Variants in THRB observed in about 807,000 individuals in gnomAD.
The protein encoded by THRB is nuclear receptor subfamily 1 group A member 2.
In THRB, 12 loss-of-function variants were observed where a neutral mutation model predicts 47.8. The ratio of observed to expected loss-of-function variants is 0.25; its 90% CI spans 0.16 to 0.41. The LOEUF is 0.41. THRB is among the 10% of genes least tolerant of loss of function. The pLI is 1.00. For missense variants in THRB, 348 were observed against 589.2 expected (o/e 0.59, Z 4.24); for synonymous variants, 218 against 212.2 (o/e 1.03, Z -0.24).
chr3:24,238,301 G>A (rs983838647), intron 3 of THRB, among the ~76,000 whole-genome samples: 3 of 111,150 alleles, frequency 2.7e-5, no homozygotes, highest in Admixed American at 1.8e-4. Flanking sequence ...GGTGTGTGGG[G>A]TGTGTGTGTG....
intron 1 of THRB, among the ~76,000 whole-genome samples, chr3:24,488,162 A>G (rs6805614): frequency 0.13 from 19,149 of 152,230 alleles, 1,400 homozygotes; most frequent in Admixed American, 0.2. Flanking sequence ...CTTTCAGTCT[A>G]CATTCCTTTG....
At chr3:24,209,125 C>G (rs189170520) in intron 4 of THRB, among the ~76,000 whole-genome samples, 1 of 152,264 alleles carries the variant, frequency 6.6e-6, no homozygotes, top group Non-Finnish European at 1.5e-5. Flanking sequence ...CAAATCAAAA[C>G]CACAATGAGA....
At chr3:24,409,351 A>C (rs2068088062) in intron 1 of THRB, among the ~76,000 whole-genome samples, 1 of 151,864 alleles carries the variant, frequency 6.6e-6, no homozygotes, top group Admixed American at 6.6e-5. Context: ...GAACAAATAA[A>C]ATTATGTTAT....
chr3:24,298,327 A>G (rs531271073), intron 2 of THRB, among the ~76,000 whole-genome samples: 2 of 152,334 alleles, frequency 1.3e-5, no homozygotes, highest in South Asian at 4.1e-4. Context: ...TCTAGGTACT[A>G]TCCACGCCCC....
In THRB at chr3:24,183,326, A is replaced by ATCTT. The variant is rs1453340561; in HGVS notation, c.283+6744_283+6747dup. Reference sequence around the variant, plus strand: ...CTATGTTGGGGGCTTTATACATATTATCTTTCATCTTTTTTCTTTTCTTCT... The same window carrying ATCTT: ...CTATGTTGGGGGCTTTATACATATTATCTTTCTTTCATCTTTTTTCTTTTCTTCT... On this transcript the variant is annotated intron_variant, in intron 5 of 10. Coordinates refer to ENST00000646209, the MANE Select transcript of THRB (RefSeq NM_001354712.2). 2.7e-5 allele frequency among the ~76,000 whole-genome samples: 4 copies of ATCTT among 149,500 alleles called. No homozygotes were observed. The East Asian group carries it at 7.9e-4, about 29-fold the overall frequency.
rs1559499553 is a variant in THRB at position 24,168,490 on chromosome 3, A to ATATATATATATATATATATATATAT, written c.284-16001_284-16000insATATATATATATATATATATATATA. On this transcript the variant is annotated intron_variant, in intron 5 of 10. Coordinates refer to ENST00000646209, the MANE Select transcript of THRB (RefSeq NM_001354712.2). ...TCCGATTAGAAGTGTTTCAATCAATAATATATATATATATATATATGCGCC... is the reference window on the plus strand; with the variant it reads ...TCCGATTAGAAGTGTTTCAATCAATATATATATATATATATATATATATATATATATATATATATATATATGCGCC... Among the ~76,000 whole-genome samples the ATATATATATATATATATATATATAT allele has an allele frequency of 4.3e-3, 593 of 137,850 alleles. 25 individuals are homozygous for ATATATATATATATATATATATATAT. The highest frequency in any genetic ancestry group is 5.4e-3 in the African/African-American group (203 of 37,380). 90.4% of individuals were successfully genotyped at this position (137,850 alleles called of 152,430 possible). A position where few individuals can be genotyped will look rare whatever the true frequency, so the allele number is the denominator to read the frequency against.
intron 3 of THRB, among the ~76,000 whole-genome samples, chr3:24,243,916 C>T (rs544337676): frequency 6.6e-6 from 1 of 151,658 alleles, no homozygotes; most frequent in African/African-American, 2.4e-5. Context: ...GGAAGGGAGG[C>T]CCAGTGACAC....
intron 3 of THRB, among the ~76,000 whole-genome samples, chr3:24,251,256 C>G (rs1170559399): frequency 6.6e-6 from 1 of 151,974 alleles, no homozygotes; most frequent in African/African-American, 2.4e-5. Flanking sequence ...ATTTTTATGA[C>G]TTAAAAATAA....
chr3:24,315,412 C>G (rs756212308), intron 2 of THRB, among the ~76,000 whole-genome samples: 3 of 152,174 alleles, frequency 2.0e-5, no homozygotes, highest in Non-Finnish European at 4.4e-5. Flanking sequence ...CTAAGCTATC[C>G]CAATTATATG....
intron 1 of THRB, among the ~76,000 whole-genome samples, chr3:24,444,179 T>C (rs1310560174): frequency 6.6e-6 from 1 of 152,162 alleles, no homozygotes; most frequent in East Asian, 1.9e-4. Context: ...GCTGTGGAAA[T>C]TCTGGCTAAT....
intron 1 of THRB, among the ~76,000 whole-genome samples, chr3:24,368,657 C>T (rs2064668087): frequency 1.3e-5 from 2 of 152,134 alleles, no homozygotes; most frequent in South Asian, 4.1e-4. Context: ...TACGTGTGTC[C>T]TTTACCACAG....
chr3:24,270,946 G>A (rs1333224990), intron 3 of THRB, among the ~76,000 whole-genome samples: 1 of 152,080 alleles, frequency 6.6e-6, no homozygotes, highest in Non-Finnish European at 1.5e-5. Flanking sequence ...ATGATGCAAG[G>A]GTGTGAAAGG....
At chr3:24,427,548 A>G (rs1432658282) in intron 1 of THRB, among the ~76,000 whole-genome samples, 1 of 152,066 alleles carries the variant, frequency 6.6e-6, no homozygotes, top group Non-Finnish European at 1.5e-5. Context: ...TAGAATCCAT[A>G]CAAATAAGCA....
Position 24,340,193 on chromosome 3 carries a change from T to G in THRB, c.-260-2822A>C, listed in dbSNP as rs904864069. ...CCTGTTTTTTGACAGTAACTTTGTA[T>G]GAATGAAATTGCACAGAACAAACTA... On this transcript the variant is annotated intron_variant, in intron 1 of 10. Coordinates refer to ENST00000646209, the MANE Select transcript of THRB (RefSeq NM_001354712.2). Among the ~76,000 whole-genome samples, 2 of 152,222 alleles carry G rather than the reference T, an allele frequency of 1.3e-5. 1 individual carries two copies. The highest frequency in any genetic ancestry group is 2.9e-5 in the Non-Finnish European group (2 of 68,038).
intron 1 of THRB, among the ~76,000 whole-genome samples, chr3:24,446,936 G>A (rs2072146817): frequency 6.6e-6 from 1 of 152,136 alleles, no homozygotes; most frequent in South Asian, 2.1e-4. Flanking sequence ...TCTTTACAAG[G>A]AAATAGGCAG....
At chr3:24,232,909 C>A (rs939959412) in intron 3 of THRB, among the ~76,000 whole-genome samples, 2 of 152,140 alleles carry the variant, frequency 1.3e-5, no homozygotes, top group African/African-American at 4.8e-5. Flanking sequence ...AGGCTCTCTG[C>A]CCTCAAGGAA....
rs537973125 is a variant in THRB, at chr3:24,350,123, G to T, written c.-260-12752C>A. Among the ~76,000 whole-genome samples the T allele has an allele frequency of 3.9e-5, 6 of 152,082 alleles. No homozygotes were observed. The South Asian group carries it at 1.2e-3, about 32-fold the overall frequency. ...GCAAACCAACATATAAAAAGTGCTC[G>T]ACCTCATTATTTATCAGGAGAGTGT... On this transcript the variant is annotated intron_variant, in intron 1 of 10. Transcript: ENST00000646209.
chr3:24,193,473 C>G (rs1414893582), intron 4 of THRB, among the ~76,000 whole-genome samples: 2 of 152,130 alleles, frequency 1.3e-5, no homozygotes, highest in East Asian at 1.9e-4. Context: ...TTTGAATAAG[C>G]GTGTAGTTTC....
At chr3:24,477,007 A>ATTTTTTTTTTT (rs558247174) in intron 1 of THRB, among the ~76,000 whole-genome samples, 3 of 126,490 alleles carry the variant, frequency 2.4e-5, no homozygotes, top group African/African-American at 6.2e-5. Flanking sequence ...GGTTTTCAAG[A>ATTTTTTTTTTT]TTTTTTTTTT....
Sources: gnomAD v4.1 joint callset for allele counts (sites outside exome capture counted in the v4.1 genomes callset) on GRCh38, gnomAD v4.1.1 for gene constraint, MANE v1.5 for transcripts, NCBI Gene and HGNC (gene_info 2026-07-23, HGNC 2026-07-21) for gene names.